The following EYA2 variants were observed in gnomAD, a reference collection of about 807,000 sequenced individuals.
EYA2 encodes the protein EYA transcriptional coactivator and phosphatase 2.
In EYA2, 31 loss-of-function variants were observed where a neutral mutation model predicts 69.2. The ratio of observed to expected loss-of-function variants is 0.45; its 90% CI spans 0.34 to 0.60. The LOEUF (loss-of-function observed/expected upper bound fraction) is 0.60, where lower values mean the gene tolerates loss of function less well. EYA2 is among the 20% of genes least tolerant of loss of function. The pLI, the probability that EYA2 is intolerant of heterozygous loss-of-function variation, is 0.02. For synonymous variants in EYA2, 257 were observed against 279.4 expected (o/e 0.92, Z 0.80); for missense variants, 622 against 701.2 (o/e 0.89, Z 1.28).
chr20:47,097,133 T>G lies in EYA2; in HGVS notation c.853T>G (p.Leu285Val). The G allele has an allele frequency of 6.2e-7, 1 of 1,611,650 alleles. No individual in the cohort carries two copies. The highest frequency in any genetic ancestry group is 1.3e-5 in the African/African-American group (1 of 74,936). ...TGAGACAATAATTATTTTTCACTCC[T>G]TACTCACGGGGACATTTGCATCCAG... ...LDETIIIFHS[L>V]LTGTFASRYG... Residue 285 changes from leucine (L) to valine (V), a missense_variant, in exon 9 of 16, where the codon TTA becomes GTA. Coordinates refer to ENST00000327619, the MANE Select transcript of EYA2 (RefSeq NM_005244.5).
At chr20:46,942,440 C>T (rs865922989) in intron 1 of EYA2, among the ~76,000 whole-genome samples, 1 of 152,064 alleles carries the variant, frequency 6.6e-6, no homozygotes, top group Non-Finnish European at 1.5e-5. Context: ...GGAAAACTCT[C>T]TTAGAGAAAA....
chr20:47,128,896 G>GT (rs1334835086), intron 9 of EYA2, among the ~76,000 whole-genome samples: 14 of 152,350 alleles, frequency 9.2e-5, no homozygotes, highest in African/African-American at 2.9e-4. Context: ...GCCGAGGTGG[G>GT]TGGATCACTT....
chr20:47,179,713 T>C, intron 12 of EYA2, 85 bp from the exon 13 acceptor site: 1 of 908,730 alleles, frequency 1.1e-6, no homozygotes, highest in Non-Finnish European at 1.7e-6. Context: ...ACCCTCAGGG[T>C]ACAGTAGCTA....
At chr20:47,135,190 G>A (rs115362515) in intron 9 of EYA2, among the ~76,000 whole-genome samples, 1,995 of 150,276 alleles carry the variant, frequency 0.013, 53 homozygotes, top group East Asian at 0.089. Flanking sequence ...TGACTCCTGG[G>A]TTCTATTATA....
rs376701171 is a variant in EYA2, at chr20:46,936,344, G to A, written c.-11+41357G>A. On this transcript the variant is annotated intron_variant, in intron 1 of 15. Coordinates refer to ENST00000327619, the MANE Select transcript of EYA2 (RefSeq NM_005244.5). ...AAATTAGCTGGGTGTGGTGGCACAC[G>A]CTTGTAGTCCCAGCTACTCGGAAGG... Among the ~76,000 whole-genome samples the A allele has an allele frequency of 6.3e-4, 96 of 152,264 alleles. 2 individuals are homozygous for A. The South Asian group carries it at 0.018, about 29-fold the overall frequency.
Position 46,913,559 on chromosome 20 carries a change from C to T in EYA2, c.-11+18572C>T, listed in dbSNP as rs373822456. Among the ~76,000 whole-genome samples, 4 of 147,452 alleles carry T rather than the reference C, an allele frequency of 2.7e-5. No homozygotes were observed. In the East Asian group the frequency reaches 5.9e-4, roughly 22 times the overall value. ...AGACTGCAGGGGTCAGAGGGTGGGG[C>T]AGGAAAACCGTTAAGAGACTGTTCA... On this transcript the variant is annotated intron_variant, in intron 1 of 15. Coordinates refer to ENST00000327619, the MANE Select transcript of EYA2 (RefSeq NM_005244.5).
chr20:47,134,575 TACACACACACACACAA>T (rs1331247393), intron 9 of EYA2, among the ~76,000 whole-genome samples: 1 of 149,532 alleles, frequency 6.7e-6, no homozygotes, highest in African/African-American at 2.5e-5. Flanking sequence ...ACCCACCACA[TACACACACACACACAA>T]ACACACACAC....
intron 1 of EYA2, among the ~76,000 whole-genome samples, chr20:46,986,041 G>C (rs1006323923): frequency 2.6e-4 from 39 of 152,094 alleles, no homozygotes; most frequent in African/African-American, 7.0e-4. Flanking sequence ...TGAAGGGAAT[G>C]AGTTTAGATA....
intron 1 of EYA2, among the ~76,000 whole-genome samples, chr20:46,984,320 A>G (rs1302845915): frequency 6.6e-6 from 1 of 152,154 alleles, no homozygotes; most frequent in Non-Finnish European, 1.5e-5. Context: ...GAAGAAATTT[A>G]CAGCATTCGA....
chr20:46,905,057 G>T (rs1467534003), intron 1 of EYA2, among the ~76,000 whole-genome samples: 2 of 152,070 alleles, frequency 1.3e-5, no homozygotes, highest in Non-Finnish European at 2.9e-5. Flanking sequence ...AAAGTATACA[G>T]GTATGCCTCT....
chr20:47,008,162 G>A (rs766895876), intron 4 of EYA2, among the ~76,000 whole-genome samples: 1 of 152,206 alleles, frequency 6.6e-6, no homozygotes, highest in African/African-American at 2.4e-5. Context: ...AGTCACCATC[G>A]TTGACTTCCT....
intron 7 of EYA2, among the ~76,000 whole-genome samples, chr20:47,084,522 G>A (rs900723794): frequency 6.6e-6 from 1 of 152,172 alleles, no homozygotes; most frequent in African/African-American, 2.4e-5. Context: ...GCCTGACAGA[G>A]TGAGACCCTG....
At chr20:46,920,606 C>T (rs1351191498) in intron 1 of EYA2, among the ~76,000 whole-genome samples, 2 of 152,198 alleles carry the variant, frequency 1.3e-5, no homozygotes, top group Non-Finnish European at 2.9e-5. Flanking sequence ...TCAAGCTCCT[C>T]TGGAGATCTT....
rs2033951911 is a variant in EYA2, at chr20:47,156,298, C to T, written c.979-12841C>T. On this transcript the variant is annotated intron_variant, in intron 10 of 15. Coordinates refer to ENST00000327619, the MANE Select transcript of EYA2 (RefSeq NM_005244.5). ...GCAGTGAGCCAAGATAGCACCACTG[C>T]ACTCCAGCCTGGGCAACAGAGCAAG... 2.7e-5 allele frequency among the ~76,000 whole-genome samples: 4 copies of T among 149,154 alleles called. No homozygotes were observed. The South Asian group carries it at 8.9e-4, about 33-fold the overall frequency.
intron 9 of EYA2, among the ~76,000 whole-genome samples, chr20:47,109,796 A>G (rs1568783854): frequency 6.6e-6 from 1 of 152,126 alleles, no homozygotes; most frequent in East Asian, 1.9e-4. Context: ...GACATTCCCC[A>G]TTTTTGGGGA....
intron 8 of EYA2, 36 bp from the exon 9 acceptor site, chr20:47,097,049 C>A: frequency 6.6e-7 from 1 of 1,509,152 alleles, no homozygotes; most frequent in Non-Finnish European, 9.2e-7. Flanking sequence ...CACGTGAGTC[C>A]ATTTTTCTCC....
intron 14 of EYA2, among the ~76,000 whole-genome samples, chr20:47,181,511 G>C (rs2034537524): frequency 2.0e-5 from 3 of 152,090 alleles, no homozygotes; most frequent in African/African-American, 7.2e-5. Context: ...CAGGGAAGCT[G>C]GGAAATGTAG....
intron 8 of EYA2, among the ~76,000 whole-genome samples, chr20:47,090,229 C>CCT (rs2032035657): frequency 8.2e-6 from 1 of 122,072 alleles, no homozygotes; most frequent in Non-Finnish European, 1.7e-5. Flanking sequence ...ATGCTCCAAT[C>CCT]TTTTTTTTTT....
At position 47,075,768 on chromosome 20, in the gene EYA2, G is replaced by A. The variant is rs542259856; in HGVS notation, c.661+1433G>A. ...TTGTTACATGGGTAAATTGCATGTCGTGGAGGTTTAGTGTACAGATAATTT... is the reference window on the plus strand; with the variant it reads ...TTGTTACATGGGTAAATTGCATGTCATGGAGGTTTAGTGTACAGATAATTT... On this transcript the variant is annotated intron_variant, in intron 7 of 15. Transcript: ENST00000327619. 3.3e-5 allele frequency among the ~76,000 whole-genome samples: 5 copies of A among 152,178 alleles called. No individual in the cohort carries two copies. In the South Asian group the frequency reaches 6.2e-4, roughly 19 times the overall value.
Sources: gnomAD v4.1 joint callset for allele counts (sites outside exome capture counted in the v4.1 genomes callset) on GRCh38, gnomAD v4.1.1 for gene constraint, MANE v1.5 for transcripts, NCBI Gene and HGNC (gene_info 2026-07-23, HGNC 2026-07-21) for gene names.